Variants in WASL observed in about 807,000 individuals in gnomAD.
WASL encodes actin nucleation-promoting factor WASL.
In WASL, 20 loss-of-function variants were observed where a neutral mutation model predicts 55.5. That is an observed-to-expected ratio of 0.36 (90% confidence interval 0.25 to 0.52). WASL has a LOEUF of 0.52. WASL is among the 20% of genes least tolerant of loss of function. The pLI is 0.92. For synonymous variants in WASL, 249 were observed against 217.6 expected (o/e 1.14, Z -1.27); for missense variants, 504 against 622.5 (o/e 0.81, Z 2.03).
chr7:123,738,187 A>G lies in WASL; in HGVS notation c.117+10431T>C, dbSNP rs867273234. 3.9e-5 allele frequency among the ~76,000 whole-genome samples: 6 copies of G among 152,332 alleles called. No homozygotes were observed. In the South Asian group the frequency reaches 8.3e-4, roughly 21 times the overall value. The stretch of plus-strand genomic sequence containing the variant: ...TAATAGAGGTTAATTACACATAAAT[A>G]TAACTTGATATAAGGCAGTAATATA... On this transcript the variant is annotated intron_variant, in intron 1 of 10. Coordinates refer to ENST00000223023, the MANE Select transcript of WASL (RefSeq NM_003941.4).
Position 123,692,738 on chromosome 7 carries a change from G to C in WASL, c.956C>G (p.Thr319Arg). 6.6e-7 allele frequency: 1 copy of C among 1,510,904 alleles called. No individual in the cohort carries two copies. Among genetic ancestry groups the C allele is most frequent in the Non-Finnish European group, 8.8e-7 (1 of 1,131,910 alleles). 93.6% of individuals were successfully genotyped at this position (1,510,904 alleles called of 1,614,324 possible). A position where few individuals can be genotyped will look rare whatever the true frequency, so the allele number is the denominator to read the frequency against. The change falls in exon 9 of 11, where the codon ACA (threonine) becomes AGA (arginine). Residue 319 changes from threonine (T) to arginine (R), a missense_variant. Transcript: ENST00000223023. ...AGGAGGCGGTGGTGGAGGTGCAGCT[G>C]TGGGAGCTCTTGAAGGTGGTGGGGG... ...APPPPPSRAP[T>R]AAPPPPPPSR...
chr7:123,689,093 C>G lies in WASL; in HGVS notation c.1405G>C (p.Gly469Arg). The G allele has an allele frequency of 6.2e-7, 1 of 1,612,458 alleles. No individual in the cohort carries two copies. Among genetic ancestry groups the G allele is most frequent in the Non-Finnish European group, 8.5e-7 (1 of 1,179,372 alleles). The change falls in exon 10 of 11, where the codon GGT (glycine) becomes CGT (arginine). Residue 469 changes from glycine to arginine, a missense_variant. By Grantham distance (125) the Gly-to-Arg change is moderately radical. This residue lies in a region of WASL where 53 missense variants were observed against 69.1 expected (regional missense o/e 0.77). Coordinates refer to ENST00000223023, the MANE Select transcript of WASL (RefSeq NM_003941.4). ...PTPAPTSGIV[G>R]ALMEVMQKRS... ...TTCTGCATCACTTCCATTAATGCACCCACAATTCCTGAAGTGGGTGCAGGT... is the reference window on the plus strand; with the variant it reads ...TTCTGCATCACTTCCATTAATGCACGCACAATTCCTGAAGTGGGTGCAGGT...
rs1441640552 is a variant in WASL, at chr7:123,683,481, C to T, written c.*1038G>A. The T allele has an allele frequency of 1.3e-5, 2 of 151,758 alleles. No individual in the cohort carries two copies. The highest frequency in any genetic ancestry group is 2.4e-5 in the African/African-American group (1 of 41,336). 9.4% of individuals were successfully genotyped at this position (151,758 alleles called of 1,614,324 possible). ...TCTTCACATGCTATTTGACAAAAACCCTCAAAAGTTATCCAAATCAATGCA... is the reference window on the plus strand; with the variant it reads ...TCTTCACATGCTATTTGACAAAAACTCTCAAAAGTTATCCAAATCAATGCA... On this transcript the variant is annotated 3_prime_UTR_variant, in exon 11 of 11. Coordinates refer to ENST00000223023, the MANE Select transcript of WASL (RefSeq NM_003941.4).
intron 5 of WASL, among the ~76,000 whole-genome samples, chr7:123,698,875 C>T (rs1803532188): frequency 6.6e-6 from 1 of 152,090 alleles, no homozygotes; most frequent in Non-Finnish European, 1.5e-5. Flanking sequence ...AATGTAGGGA[C>T]TAGAGGGTTG....
At position 123,746,823 on chromosome 7, in the gene WASL, T is replaced by C. The variant is rs143870811; in HGVS notation, c.117+1795A>G. Among the ~76,000 whole-genome samples, 677 of 152,364 alleles carry C rather than the reference T, an allele frequency of 4.4e-3. 4 individuals carry two copies. The highest frequency in any genetic ancestry group is 7.1e-3 in the Non-Finnish European group (481 of 68,034). On this transcript the variant is annotated intron_variant, in intron 1 of 10. Coordinates refer to ENST00000223023, the MANE Select transcript of WASL (RefSeq NM_003941.4). Reference sequence around the variant, plus strand: ...CTACAGGTAAGCACAGAACAATTAGTATACTTGTGTATAAATGTAATGTCC... The same window carrying C: ...CTACAGGTAAGCACAGAACAATTAGCATACTTGTGTATAAATGTAATGTCC...
intron 3 of WASL, 126 bp from the exon 4 acceptor site, chr7:123,706,499 CATT>C (rs1224951778): frequency 3.2e-6 from 3 of 923,098 alleles, no homozygotes; most frequent in Middle Eastern, 3.0e-4. Context: ...GCAGATAAGA[CATT>C]ATTTTATGAT....
intron 8 of WASL, 94 bp from the exon 9 acceptor site, chr7:123,692,961 A>G (rs1562957559): frequency 7.7e-7 from 1 of 1,298,628 alleles, no homozygotes; most frequent in Non-Finnish European, 9.8e-7. Context: ...TAAAAATTGA[A>G]TAATACCAAA....
chr7:123,691,947 T>G (rs1803416242), intron 9 of WASL, among the ~76,000 whole-genome samples: 1 of 152,236 alleles, frequency 6.6e-6, no homozygotes, highest in Non-Finnish European at 1.5e-5. Context: ...AAAGTACCTT[T>G]TATTTGAAAG....
intron 1 of WASL, among the ~76,000 whole-genome samples, chr7:123,734,520 G>C (rs541278131): frequency 3.4e-5 from 5 of 145,802 alleles, no homozygotes; most frequent in Non-Finnish European, 4.5e-5. Context: ...CAGGGAGCCA[G>C]TCTATAAAGG....
Position 123,692,418 on chromosome 7 carries a change from T to C in WASL, c.1276A>G (p.Ser426Gly), listed in dbSNP as rs1217914316. ...CGTCCAGAGCAGGACACTGGCCGAC[T>C]GTTCTGCTCCACTTTTTTTAGCTGA... ...GAQLKKVEQN[S>G]RPVSCSGRDA... is the part of the protein sequence containing the mutation. Residue 426 changes from serine (S) to glycine (G), a missense_variant, in exon 9 of 11, where the codon AGT (serine) becomes GGT (glycine). By Grantham distance (56) the Ser-to-Gly change is moderately conservative. Around this residue, in one of 5 missense-constraint regions of WASL, gnomAD observed 201 missense variants for 206.2 expected, o/e 0.97. Transcript: ENST00000223023. 2 of 1,614,176 alleles carry C rather than the reference T, an allele frequency of 1.2e-6. No individual in the cohort carries two copies. The highest frequency in any genetic ancestry group is 1.1e-5 in the South Asian group (1 of 91,080).
chr7:123,705,252 T>C (rs1013884065), intron 4 of WASL, among the ~76,000 whole-genome samples: 3 of 152,076 alleles, frequency 2.0e-5, no homozygotes, highest in Non-Finnish European at 2.9e-5. Context: ...AGGACTCTGA[T>C]AGGATTTATG....
chr7:123,734,136 T>C (rs1313471916), intron 1 of WASL, among the ~76,000 whole-genome samples: 1 of 152,092 alleles, frequency 6.6e-6, no homozygotes, highest in Non-Finnish European at 1.5e-5. Context: ...ATGAACTGGA[T>C]GGACTTCATT....
chr7:123,710,157 C>G (rs1803732519), intron 1 of WASL, among the ~76,000 whole-genome samples: 1 of 152,024 alleles, frequency 6.6e-6, no homozygotes, highest in African/African-American at 2.4e-5. Context: ...GTGATACACA[C>G]TTACACTGAT....
Position 123,721,506 on chromosome 7 carries a change from CA to C in WASL, c.118-12284del, listed in dbSNP as rs370771914. 1.6e-3 allele frequency among the ~76,000 whole-genome samples: 244 copies of C among 152,238 alleles called. 2 individuals carry two copies. Among genetic ancestry groups the C allele is most frequent in the Middle Eastern group, 6.8e-3 (2 of 294 alleles). ...ATTTGAGACTCTCATGTACATTACA[CA>C]CAAGAGCTAGATAGCATCCACCCCA... On this transcript the variant is annotated intron_variant, in intron 1 of 10. Transcript: ENST00000223023.
At chr7:123,743,922 G>A (rs141382013) in intron 1 of WASL, among the ~76,000 whole-genome samples, 5,208 of 152,268 alleles carry the variant, frequency 0.034, 110 homozygotes, top group Non-Finnish European at 0.052. Flanking sequence ...GCTACGCTGC[G>A]TCACATACAT....
At chr7:123,725,714 C>A (rs936229383) in intron 1 of WASL, among the ~76,000 whole-genome samples, 1 of 151,998 alleles carries the variant, frequency 6.6e-6, no homozygotes, top group African/African-American at 2.4e-5. Context: ...GTAACTTGCC[C>A]GTTGTCACAG....
At chr7:123,697,884 G>T (rs1004639427) in intron 5 of WASL, among the ~76,000 whole-genome samples, 5 of 152,282 alleles carry the variant, frequency 3.3e-5, no homozygotes, top group African/African-American at 9.6e-5. Flanking sequence ...TGAAATCTTG[G>T]TAAGTGCAAG....
intron 1 of WASL, among the ~76,000 whole-genome samples, chr7:123,728,668 C>T (rs1804090923): frequency 6.6e-6 from 1 of 152,094 alleles, no homozygotes; most frequent in South Asian, 2.1e-4. Context: ...AGTGAAGCCC[C>T]ATCTCTACTA....
At chr7:123,736,233 A>G (rs1187972417) in intron 1 of WASL, among the ~76,000 whole-genome samples, 3 of 152,170 alleles carry the variant, frequency 2.0e-5, no homozygotes, top group Non-Finnish European at 4.4e-5. Context: ...TCAACCTGAA[A>G]GAATTTATAA....
Sources: gnomAD v4.1 joint callset for allele counts (sites outside exome capture counted in the v4.1 genomes callset) on GRCh38, gnomAD v4.1.1 for gene constraint, gnomAD v4.1.1 regional missense constraint, MANE v1.5 for transcripts, NCBI Gene and HGNC (gene_info 2026-07-23, HGNC 2026-07-21) for gene names.